PDE1A: variants seen among roughly 807,000 people sequenced by gnomAD.
PDE1A encodes dual specificity calcium/calmodulin-dependent 3',5'-cyclic nucleotide phosphodiesterase 1A.
Under a neutral mutation model 61.7 loss-of-function variants are expected in PDE1A, and 35 were observed. The ratio of observed to expected loss-of-function variants is 0.57; its 90% CI spans 0.43 to 0.75. PDE1A has a LOEUF of 0.75. PDE1A is among the 30% of genes least tolerant of loss of function. PDE1A has a pLI of 0.00. For missense variants in PDE1A, 597 were observed against 630.6 expected, an observed-to-expected ratio of 0.95 and a Z score of 0.57; for synonymous variants, 232 against 213.2, an observed-to-expected ratio of 1.09 and a Z score of -0.77.
intron 2 of PDE1A, among the ~76,000 whole-genome samples, chr2:182,469,775 A>G (rs770525779): frequency 9.2e-5 from 14 of 151,860 alleles, no homozygotes; most frequent in Non-Finnish European, 1.5e-4. Flanking sequence ...TCACTTGAAC[A>G]TTTAGAGGCC....
intron 2 of PDE1A, among the ~76,000 whole-genome samples, chr2:182,253,466 A>C (rs1261566345): frequency 6.6e-6 from 1 of 152,174 alleles, no homozygotes; most frequent in East Asian, 1.9e-4. Flanking sequence ...ATTCACTGTA[A>C]GTATCAGATG....
At chr2:182,453,654 C>G (rs1685683570) in intron 2 of PDE1A, among the ~76,000 whole-genome samples, 1 of 152,022 alleles carries the variant, frequency 6.6e-6, no homozygotes, top group African/African-American at 2.4e-5. Flanking sequence ...TAAACAGAAC[C>G]AAAGACAAAA....
intron 2 of PDE1A, among the ~76,000 whole-genome samples, chr2:182,489,793 G>C (rs1296399802): frequency 7.1e-6 from 1 of 140,840 alleles, no homozygotes; most frequent in East Asian, 2.0e-4. Flanking sequence ...TGAGCAACAA[G>C]AGGTGTTGGA....
At chr2:182,555,692 G>A in the PDE1A span, among the ~76,000 whole-genome samples, 17 of 152,140 alleles carry the variant, frequency 1.1e-4, no homozygotes, top group Admixed American at 5.2e-4. Context: ...TTGGCTGGGC[G>A]TGGTGGGTCA....
At chr2:182,414,738 T>C (rs1012231589) in intron 1 of PDE1A, among the ~76,000 whole-genome samples, 8 of 152,056 alleles carry the variant, frequency 5.3e-5, no homozygotes, top group African/African-American at 1.7e-4. Flanking sequence ...TTCCATTAAA[T>C]GGATGAGTGA....
intron 1 of PDE1A, among the ~76,000 whole-genome samples, chr2:182,304,844 T>C (rs1695474507): frequency 6.6e-6 from 1 of 152,138 alleles, no homozygotes; most frequent in Non-Finnish European, 1.5e-5. Context: ...AATAACAATA[T>C]AGTTTGCAAG....
the PDE1A span, among the ~76,000 whole-genome samples, chr2:182,664,625 G>A: frequency 0.1 from 15,380 of 152,224 alleles, 942 homozygotes; most frequent in Middle Eastern, 0.27. Context: ...GGTTTGAAGA[G>A]GAAGGAAGGA....
the PDE1A span, among the ~76,000 whole-genome samples, chr2:182,580,130 T>C: frequency 6.6e-6 from 1 of 152,226 alleles, no homozygotes; most frequent in Non-Finnish European, 1.5e-5. Flanking sequence ...GAATTCACTG[T>C]ATCACAGAGA....
intron 2 of PDE1A, among the ~76,000 whole-genome samples, chr2:182,500,104 A>G (rs2125914741): frequency 6.6e-6 from 1 of 152,370 alleles, no homozygotes; most frequent in Non-Finnish European, 1.5e-5. Context: ...CGGTGAACTC[A>G]GAAAGAATTA....
At chr2:182,159,807 G>C (rs1559123488) in intron 13 of PDE1A, among the ~76,000 whole-genome samples, 1 of 152,084 alleles carries the variant, frequency 6.6e-6, no homozygotes, top group South Asian at 2.1e-4. Flanking sequence ...TGAAAATTTA[G>C]CCAGGCATGG....
intron 1 of PDE1A, among the ~76,000 whole-genome samples, chr2:182,413,155 G>C (rs1027618474): frequency 2.0e-5 from 3 of 152,176 alleles, no homozygotes; most frequent in African/African-American, 7.2e-5. Flanking sequence ...GGAGGAAAGA[G>C]ATGGAATAGA....
intron 2 of PDE1A, among the ~76,000 whole-genome samples, chr2:182,248,922 G>T (rs1205389751): frequency 1.3e-5 from 2 of 152,080 alleles, no homozygotes; most frequent in Non-Finnish European, 2.9e-5. Context: ...ATGGGCTCAG[G>T]GTAGGAGCAT....
At chr2:182,413,251 T>G (rs770838377) in intron 1 of PDE1A, among the ~76,000 whole-genome samples, 3 of 152,034 alleles carry the variant, frequency 2.0e-5, no homozygotes, top group Non-Finnish European at 4.4e-5. Flanking sequence ...AAATTACAAA[T>G]GAAAGGAGTG....
chr2:182,447,026 T>C (rs868577302), intron 2 of PDE1A, among the ~76,000 whole-genome samples: 1 of 151,882 alleles, frequency 6.6e-6, no homozygotes, highest in Non-Finnish European at 1.5e-5. Flanking sequence ...TTTTAATCTA[T>C]ACATTAAACT....
At chr2:182,223,148 C>A (rs756627927) in intron 7 of PDE1A, among the ~76,000 whole-genome samples, 10 of 151,924 alleles carry the variant, frequency 6.6e-5, no homozygotes, top group Non-Finnish European at 1.0e-4. Flanking sequence ...CACTGGGGTG[C>A]ATGTGCTCAG....
intron 2 of PDE1A, among the ~76,000 whole-genome samples, chr2:182,262,574 C>T (rs2568687): frequency 0.73 from 110,508 of 152,002 alleles, 40,942 homozygotes; most frequent in African/African-American, 0.88. Context: ...CAGCCTGTTT[C>T]CTTTTCCTCA....
intron 13 of PDE1A, among the ~76,000 whole-genome samples, chr2:182,184,053 A>AGAAAGAAAGAAAGAAC (rs1685004615): frequency 7.2e-6 from 1 of 138,044 alleles, no homozygotes; most frequent in East Asian, 2.2e-4. Context: ...AAAGAAAGAA[A>AGAAAGAAAGAAAGAAC]GAACAATTAA....
At chr2:182,527,304 A>T (rs1228414907), upstream of PDE1A, among the ~76,000 whole-genome samples, 95 of 9,056 alleles carry the variant, frequency 0.01, 2 homozygotes, top group African/African-American at 0.021. Context: ...CTTTCTCTAT[A>T]AAAAAAAAAA....
chr2:182,141,778 C>T (rs1690237225), exon 15 of PDE1A: 1 of 152,164 alleles, frequency 6.6e-6, no homozygotes, highest in Non-Finnish European at 1.5e-5. Flanking sequence ...ATGCATGGAT[C>T]CTCCTTTGCA....
Sources: gnomAD v4.1 joint callset for allele counts (sites outside exome capture counted in the v4.1 genomes callset) on GRCh38, gnomAD v4.1.1 for gene constraint, MANE v1.5 for transcripts, NCBI Gene and HGNC (gene_info 2026-07-23, HGNC 2026-07-21) for gene names.